BICRA: variants seen among roughly 807,000 people sequenced by gnomAD.
BICRA encodes BRD4-interacting chromatin-remodeling complex-associated protein.
BICRA carries 31 observed loss-of-function variants against 96.9 expected under a neutral mutation model. The ratio of observed to expected loss-of-function variants is 0.32; its 90% confidence interval spans 0.24 to 0.43. The LOEUF is 0.43. Ranked by LOEUF, BICRA falls within the 20% of genes least tolerant of loss-of-function variation. The pLI, the probability that BICRA is intolerant of heterozygous loss-of-function variation, is 1.00. For missense variants in BICRA, 2,283 were observed against 2,190.3 expected, an observed-to-expected ratio of 1.04 and a Z score of -0.84; for synonymous variants, 1,350 against 1,071.8, an observed-to-expected ratio of 1.26 and a Z score of -5.07.
At chr19:47,643,961 G>A (rs1972420452) in intron 1 of BICRA, among the ~76,000 whole-genome samples, 1 of 152,154 alleles carries the variant, frequency 6.6e-6, no homozygotes, top group African/African-American at 2.4e-5. Flanking sequence ...AGGTTGCACA[G>A]CCAGGAGGCA....
intron 1 of BICRA, among the ~76,000 whole-genome samples, chr19:47,650,741 T>C (rs1423704490): frequency 6.6e-6 from 1 of 152,112 alleles, no homozygotes; most frequent in Non-Finnish European, 1.5e-5. Context: ...ATCTCTTCTC[T>C]TAATAAGGTG....
intron 1 of BICRA, among the ~76,000 whole-genome samples, chr19:47,629,616 G>A (rs1050868683): frequency 1.1e-4 from 17 of 152,114 alleles, no homozygotes; most frequent in Non-Finnish European, 1.3e-4. Context: ...TGGCTATTGC[G>A]AATAATGCTG....
chr19:47,633,598 G>C (rs1484072180), intron 1 of BICRA, among the ~76,000 whole-genome samples: 1 of 152,136 alleles, frequency 6.6e-6, no homozygotes, highest in Non-Finnish European at 1.5e-5. Context: ...AGTTGCTCAG[G>C]GTCAGGAAAT....
rs1389988717 is a variant in BICRA, at chr19:47,701,447, C to T, written c.3715C>T (p.Pro1239Ser). The change falls in exon 15 of 15, where the codon CCT (proline) becomes TCT (serine). Residue 1239 changes from proline (P) to serine (S), a missense_variant. By Grantham distance (74) the Pro-to-Ser change is moderately conservative. Transcript: ENST00000594866. This position sits in a 1 kb window ranked among gnomAD's most constrained non-coding sequence, Gnocchi z 5.4. ...SSAPGASTQP[P>S]PHLPTKLVIR... Reference sequence around the variant, plus strand: ...AGCTCCCGGGGCCTCCACCCAGCCCCCTCCACACCTGCCCACCAAGCTTGT... The same window carrying T: ...AGCTCCCGGGGCCTCCACCCAGCCCTCTCCACACCTGCCCACCAAGCTTGT... 6.4e-7 allele frequency: 1 copy of T among 1,570,270 alleles called. No homozygotes were observed. The highest frequency in any genetic ancestry group is 1.2e-5 in the South Asian group (1 of 86,128).
rs193083086 is a variant in BICRA, at chr19:47,617,220, C to A, written c.-108+8052C>A. On this transcript the variant is annotated intron_variant, in intron 1 of 14. Coordinates refer to ENST00000594866, the MANE Select transcript of BICRA (RefSeq NM_001394372.1). Reference sequence around the variant, plus strand: ...CCAACTTCTGGGCTCAACAGTCCTCCGACTTTGGCCTCCCAAAGTCCTGGG... The same window carrying A: ...CCAACTTCTGGGCTCAACAGTCCTCAGACTTTGGCCTCCCAAAGTCCTGGG... Among the ~76,000 whole-genome samples, 268 of 152,242 alleles carry A rather than the reference C, an allele frequency of 1.8e-3. 1 individual carries two copies. The highest frequency in any genetic ancestry group is 6.3e-3 in the African/African-American group (260 of 41,556).
intron 1 of BICRA, among the ~76,000 whole-genome samples, chr19:47,639,932 C>G (rs1214225703): frequency 6.6e-6 from 1 of 152,142 alleles, no homozygotes; most frequent in Non-Finnish European, 1.5e-5. Context: ...GCGTGAGCCA[C>G]CATGCCCAGC....
Position 47,680,347 on chromosome 19 carries a change from G to A in BICRA, c.1177G>A (p.Ala393Thr). Residue 393 changes from alanine (A) to threonine (T), a missense_variant, in exon 6 of 15, where the codon GCC becomes ACC. Coordinates refer to ENST00000594866, the MANE Select transcript of BICRA (RefSeq NM_001394372.1). ...GGGGGCGCTCCCGCAGCAGCCCAAG[G>A]CCCCGCAGAACCTGACGTTCATGGC... is the stretch of plus-strand genomic sequence containing the variant. ...EPGALPQQPKAPQNLTFMAAG... is the reference protein window; with the variant it reads ...EPGALPQQPKTPQNLTFMAAG... The A allele has an allele frequency of 6.5e-7, 1 of 1,533,638 alleles. No individual in the cohort carries two copies. Among genetic ancestry groups the A allele is most frequent in the Non-Finnish European group, 8.7e-7 (1 of 1,145,712 alleles).
In BICRA at chr19:47,701,923, C is replaced by G; in HGVS notation, c.4191C>G (p.Gly1397=). The change falls in exon 15 of 15, where the codon GGC becomes GGG. Residue 1397 remains glycine, a synonymous_variant. Coordinates refer to ENST00000594866, the MANE Select transcript of BICRA (RefSeq NM_001394372.1). The surrounding 1 kb of genome is among the most constrained non-coding windows in gnomAD (Gnocchi z 5.4). ...LRKTYRENVG[G]PGAPEGTPAG... is the part of the protein sequence containing the mutation. ...AGACCTACCGCGAGAACGTGGGGGG[C>G]CCTGGCGCGCCGGAGGGGACGCCCG... 1 of 1,431,854 alleles carries G rather than the reference C, an allele frequency of 7.0e-7. No homozygotes were observed. The highest frequency in any genetic ancestry group is 9.1e-7 in the Non-Finnish European group (1 of 1,102,050). 88.7% of individuals were successfully genotyped at this position (1,431,854 alleles called of 1,614,324 possible).
Position 47,698,235 on chromosome 19 carries a change from C to T in BICRA, c.3249-399C>T, listed in dbSNP as rs1973378353. Among the ~76,000 whole-genome samples the T allele has an allele frequency of 6.6e-6, 1 of 152,150 alleles. No homozygotes were observed. Among genetic ancestry groups the T allele is most frequent in the Non-Finnish European group, 1.5e-5 (1 of 68,032 alleles). Reference sequence around the variant, plus strand: ...CCGTGAGAAGACAGGATCCAGCCTCCCTCCCTTCTTCCCGAAGGCTGCACT... The same window carrying T: ...CCGTGAGAAGACAGGATCCAGCCTCTCTCCCTTCTTCCCGAAGGCTGCACT... On this transcript the variant is annotated intron_variant, in intron 11 of 14. Coordinates refer to ENST00000594866, the MANE Select transcript of BICRA (RefSeq NM_001394372.1). This position sits in a 1 kb window ranked among gnomAD's most constrained non-coding sequence, Gnocchi z 4.8.
intron 1 of BICRA, among the ~76,000 whole-genome samples, chr19:47,618,200 A>G (rs1197607886): frequency 6.6e-6 from 1 of 152,102 alleles, no homozygotes; most frequent in African/African-American, 2.4e-5. Flanking sequence ...CTCATAAAGG[A>G]AGAGTTGAAG....
At chr19:47,641,136 G>A (rs1332752513) in intron 1 of BICRA, among the ~76,000 whole-genome samples, 1 of 141,804 alleles carries the variant, frequency 7.1e-6, no homozygotes, top group African/African-American at 2.7e-5. Flanking sequence ...TAGCCAGGAT[G>A]GTCTCGGTCT....
In BICRA at chr19:47,681,999, C is replaced by T. The variant is rs575946170; in HGVS notation, c.2130C>T (p.Ser710=). The T allele has an allele frequency of 4.6e-4, 718 of 1,570,092 alleles. 10 individuals are homozygous for T. In the South Asian group the frequency reaches 6.8e-3, roughly 15 times the overall value. Residue 710 remains serine (S), a synonymous_variant, in exon 7 of 15, where the codon TCC becomes TCT. Coordinates refer to ENST00000594866, the MANE Select transcript of BICRA (RefSeq NM_001394372.1). ...AGGAGAGGAGCCAGCAGCCCCTCTC[C>T]GCAGAGGGCCCCCACCTCTCCGTGC... ...LPQERSQQPL[S]AEGPHLSVPA... is the part of the protein sequence containing the mutation.
rs1225385283 is a variant in BICRA at position 47,692,401 on chromosome 19, T to G, written c.2284-1714T>G. On this transcript the variant is annotated intron_variant, in intron 7 of 14. Transcript: ENST00000594866. Reference sequence around the variant, plus strand: ...GCCACCATGCCCGGCTAATTATTTTTGTATTTTTAGTAGAGACAGGGTTTC... The same window carrying G: ...GCCACCATGCCCGGCTAATTATTTTGGTATTTTTAGTAGAGACAGGGTTTC... Among the ~76,000 whole-genome samples, 7 of 152,286 alleles carry G rather than the reference T, an allele frequency of 4.6e-5. No homozygotes were observed. The East Asian group carries it at 9.7e-4, about 21-fold the overall frequency.
At chr19:47,613,572 A>G (rs1347119563) in intron 1 of BICRA, among the ~76,000 whole-genome samples, 3 of 152,110 alleles carry the variant, frequency 2.0e-5, no homozygotes, top group Non-Finnish European at 4.4e-5. Flanking sequence ...CACGATGACA[A>G]CTGCTGCCTG....
At position 47,673,756 on chromosome 19, in the gene BICRA, C is replaced by T. The variant is rs200233936; in HGVS notation, c.78C>T (p.Ser26=). Residue 26 remains serine (S), a synonymous_variant, in exon 4 of 15, where the codon TCC becomes TCT. Coordinates refer to ENST00000594866, the MANE Select transcript of BICRA (RefSeq NM_001394372.1). Reference sequence around the variant, plus strand: ...CCCTCAATGACTTCTTGCATGGATCCGAGAAGGTAAGCATGGGCGCAGGGA... The same window carrying T: ...CCCTCAATGACTTCTTGCATGGATCTGAGAAGGTAAGCATGGGCGCAGGGA... ...PQALNDFLHG[S]EKLDSDDLLD... The T allele has an allele frequency of 4.1e-5, 66 of 1,612,870 alleles. No individual in the cohort carries two copies. Among genetic ancestry groups the T allele is most frequent in the South Asian group, 1.6e-4 (15 of 91,058 alleles).
At chr19:47,626,208 A>G (rs981657981) in intron 1 of BICRA, 4 of 152,158 alleles carry the variant, frequency 2.6e-5, no homozygotes, top group Non-Finnish European at 5.9e-5. Context: ...GCCACTTACA[A>G]GCATCAGCTC....
intron 7 of BICRA, among the ~76,000 whole-genome samples, chr19:47,685,635 GA>G (rs2032588535): frequency 6.6e-6 from 1 of 152,138 alleles, no homozygotes; most frequent in Admixed American, 6.5e-5. Context: ...CAATCTGGGT[GA>G]TTCTTACTGT....
intron 5 of BICRA, 120 bp from the exon 6 acceptor site, chr19:47,679,201 G>GGAAT: frequency 1.6e-6 from 1 of 614,250 alleles, no homozygotes. Flanking sequence ...ATGCCAGGAG[G>GGAAT]GAATGTTCTT....
At chr19:47,695,600 CT>C in intron 10 of BICRA, 126 bp downstream of exon 10, 1 of 621,444 alleles carries the variant, frequency 1.6e-6, no homozygotes, top group Non-Finnish European at 2.9e-6. Context: ...CATCAGGCAG[CT>C]GAGACACCAC....
Sources: gnomAD v4.1 joint callset for allele counts (sites outside exome capture counted in the v4.1 genomes callset) on GRCh38, gnomAD v4.1.1 for gene constraint, Gnocchi (gnomAD v3.1) non-coding constraint, MANE v1.5 for transcripts, NCBI Gene and HGNC (gene_info 2026-07-23, HGNC 2026-07-21) for gene names.